The following ZNF276 variants were observed in gnomAD, a reference collection of about 807,000 sequenced individuals.
The protein encoded by ZNF276 is centromere protein Z.
ZNF276 carries 59 observed loss-of-function variants against 63.9 expected under a neutral mutation model. The ratio of observed to expected loss-of-function variants is 0.92; its 90% CI spans 0.75 to 1.15. The LOEUF is 1.15. ZNF276 is among the 50% of genes most tolerant of loss of function. The pLI is 0.00. For missense variants in ZNF276, 1,084 were observed against 843.8 expected (o/e 1.28, Z -3.53); for synonymous variants, 496 against 348.4 (o/e 1.42, Z -4.72).
At position 89,739,015 on chromosome 16, in the gene ZNF276, C is replaced by G. The variant is rs781273405; in HGVS notation, c.*769C>G. The stretch of plus-strand genomic sequence containing the variant: ...GCAAACTCACAGGTTAGAAGACATA[C>G]AGAAACAGGGCTGGTGTGTCCCCCA... On this transcript the variant is annotated 3_prime_UTR_variant, in exon 11 of 11. Transcript: ENST00000443381. 1.9e-6 allele frequency: 3 copies of G among 1,614,134 alleles called. No individual in the cohort carries two copies. The highest frequency in any genetic ancestry group is 1.7e-6 in the Non-Finnish European group (2 of 1,180,038).
rs1005953047 is a variant in ZNF276, at chr16:89,738,500, G to A, written c.*254G>A. On this transcript the variant is annotated 3_prime_UTR_variant, in exon 11 of 11. Transcript: ENST00000443381. Reference sequence around the variant, plus strand: ...TTCCTTTCCCCACTAAAGCAGTCGAGGAGATTTGTAATCCACTTTTTAGTG... The same window carrying A: ...TTCCTTTCCCCACTAAAGCAGTCGAAGAGATTTGTAATCCACTTTTTAGTG... 2.8e-5 allele frequency: 44 copies of A among 1,560,082 alleles called. No individual in the cohort carries two copies. In the South Asian group the frequency reaches 4.6e-4, roughly 16 times the overall value.
intron 5 of ZNF276, among the ~76,000 whole-genome samples, chr16:89,727,909 C>T (rs1218945017): frequency 6.6e-6 from 1 of 152,200 alleles, no homozygotes; most frequent in Non-Finnish European, 1.5e-5. Context: ...CAGAAGGGAC[C>T]TCATCAGTGT....
At chr16:89,734,725 A>G (rs4785717) in intron 9 of ZNF276, among the ~76,000 whole-genome samples, 101,032 of 151,630 alleles carry the variant, frequency 0.67, 34,796 homozygotes, top group East Asian at 0.99. Flanking sequence ...GCCTTTTCAC[A>G]TGTGTGTAGG....
At chr16:89,721,502 C>CCGCCTCGCT (rs1337744282), upstream of ZNF276, 1,781 of 878,412 alleles carry the variant, frequency 2.0e-3, 2 homozygotes, top group Middle Eastern at 5.7e-3. Context: ...CCCGCCCCGC[C>CCGCCTCGCT]CGCCTCGCTT....
rs148620352 is a variant in ZNF276 at position 89,726,712 on chromosome 16, C to G, written c.1007-567C>G. Among the ~76,000 whole-genome samples, 794 of 151,870 alleles carry G rather than the reference C, an allele frequency of 5.2e-3. 12 individuals carry two copies. The highest frequency in any genetic ancestry group is 0.018 in the African/African-American group (750 of 41,388). ...CCCAGGCTGGAGTGCAGTGCGCGAT[C>G]TCGGCTCACTGCAATGTCTGCCTCC... On this transcript the variant is annotated intron_variant, in intron 4 of 10. Transcript: ENST00000443381.
intron 9 of ZNF276, among the ~76,000 whole-genome samples, 182 bp downstream of exon 9, chr16:89,734,220 G>A (rs544963913): frequency 3.3e-4 from 50 of 152,346 alleles, no homozygotes; most frequent in African/African-American, 1.2e-3. Context: ...GTGTGAATCT[G>A]CCCTTCCCTG....
At chr16:89,729,695 C>T (rs1235828253) in intron 6 of ZNF276, among the ~76,000 whole-genome samples, 6 of 152,160 alleles carry the variant, frequency 3.9e-5, no homozygotes, top group African/African-American at 9.7e-5. Context: ...GCCCCCAACC[C>T]GTCGCTTCTG....
In ZNF276 at chr16:89,739,092, G is replaced by C. The variant is rs769505201; in HGVS notation, c.*846G>C. 24 of 1,613,732 alleles carry C rather than the reference G, an allele frequency of 1.5e-5. No homozygotes were observed. The highest frequency in any genetic ancestry group is 4.0e-5 in the African/African-American group (3 of 74,918). On this transcript the variant is annotated 3_prime_UTR_variant, in exon 11 of 11. Coordinates refer to ENST00000443381, the MANE Select transcript of ZNF276 (RefSeq NM_001113525.2). ...CTTTGGCAGAAGGAGCCTCCGGCTG[G>C]GGGGAGCTCCCCTGGAGGTGGGACT...
chr16:89,737,675 C>T, intron 9 of ZNF276, 131 bp from the exon 10 acceptor site: 2 of 1,524,818 alleles, frequency 1.3e-6, no homozygotes, highest in Non-Finnish European at 1.8e-6. Flanking sequence ...AGGCCCCTTG[C>T]TTGGGCCCAC....
chr16:89,734,813 A>G (rs1473584626), intron 9 of ZNF276, among the ~76,000 whole-genome samples: 1 of 152,162 alleles, frequency 6.6e-6, no homozygotes, highest in Non-Finnish European at 1.5e-5. Flanking sequence ...ATTTTTCACA[A>G]TTTCTATAAT....
At chr16:89,723,012 G>A (rs1327872642) in intron 2 of ZNF276, 125 bp from the exon 3 acceptor site, 4 of 1,595,398 alleles carry the variant, frequency 2.5e-6, no homozygotes, top group African/African-American at 2.7e-5. Flanking sequence ...GAGGAGCTGG[G>A]GTGAGGGAAG....
upstream of ZNF276, chr16:89,720,540 G>A (rs1217169735): frequency 4.3e-6 from 5 of 1,170,026 alleles, no homozygotes; most frequent in African/African-American, 1.6e-5. Flanking sequence ...GGCTCAGCGA[G>A]CGGAGTGGAA....
In ZNF276 at chr16:89,733,531, G is replaced by C. The variant is rs141797932; in HGVS notation, c.1330G>C (p.Val444Leu). Residue 444 changes from valine to leucine, a missense_variant, in exon 8 of 11, where the codon GTG (valine) becomes CTG (leucine). Val to Leu is a conservative substitution (Grantham distance 32). Transcript: ENST00000443381. The stretch of plus-strand genomic sequence containing the variant: ...GTGTCCTTACCAGGGCTGCACGGCC[G>C]TGTACCGAGGCGCTGACGGCATGAA... ...YKCPYQGCTA[V>L]YRGADGMKKH... is the part of the protein sequence containing the mutation. The C allele has an allele frequency of 6.2e-7, 1 of 1,614,142 alleles. No homozygotes were observed. The highest frequency in any genetic ancestry group is 1.3e-5 in the African/African-American group (1 of 75,070).
At position 89,723,307 on chromosome 16, in the gene ZNF276, TG is replaced by T; in HGVS notation, c.607del (p.Val203CysfsTer150). ...CCAGTGCCTGCACGGCTTGGTGGGG[TG>T]GGTGCATGGACATGCGGCCAGCTGC... ...SPQCLHGLVG[W>X]VHGHAASCGA... is the part of the protein sequence containing the mutation. On this transcript the variant is annotated frameshift_variant, in exon 4 of 11. Transcript: ENST00000443381. LOFTEE classifies it high-confidence loss of function. The T allele has an allele frequency of 6.2e-7, 1 of 1,612,862 alleles. No individual in the cohort carries two copies. The highest frequency in any genetic ancestry group is 8.5e-7 in the Non-Finnish European group (1 of 1,179,968).
At chr16:89,729,544 C>T (rs1698734706) in intron 6 of ZNF276, among the ~76,000 whole-genome samples, 1 of 152,162 alleles carries the variant, frequency 6.6e-6, no homozygotes, top group African/African-American at 2.4e-5. Context: ...GACCTGGTCT[C>T]GGCACTGTGA....
At position 89,721,702 on chromosome 16, in the gene ZNF276, C is replaced by T. The variant is rs1346299114; in HGVS notation, c.62C>T (p.Ser21Leu). Reference protein sequence around the residue: ...SPGSSRQCGASDGGGGVSRTR... With the variant: ...SPGSSRQCGALDGGGGVSRTR... The stretch of plus-strand genomic sequence containing the variant: ...GGGTCGTCCCGACAGTGCGGGGCCT[C>T]GGACGGCGGCGGCGGCGTCAGCCGG... Residue 21 changes from serine (S) to leucine (L), a missense_variant, in exon 1 of 11, where the codon TCG becomes TTG. Transcript: ENST00000443381. The T allele has an allele frequency of 7.3e-7, 1 of 1,376,816 alleles. No homozygotes were observed. Among genetic ancestry groups the T allele is most frequent in the Non-Finnish European group, 9.4e-7 (1 of 1,066,224 alleles). The allele number at this position is 1,376,816 out of a possible 1,614,324, so 85.3% of individuals were successfully genotyped here. A position where few individuals can be genotyped will look rare whatever the true frequency, so the allele number is the denominator to read the frequency against.
In ZNF276 at chr16:89,740,692, C is replaced by T. The variant is rs2062110383; in HGVS notation, c.*2446C>T. The T allele has an allele frequency of 1.2e-6, 1 of 817,906 alleles. No individual in the cohort carries two copies. The highest frequency in any genetic ancestry group is 2.1e-6 in the Non-Finnish European group (1 of 484,804). 50.7% of individuals were successfully genotyped at this position (817,906 alleles called of 1,614,324 possible). ...GAGTTCTCACTCACACTTCCGCAAA[C>T]ACAAGGAGCTCCTGAGCTAGTCTGG... On this transcript the variant is annotated 3_prime_UTR_variant, in exon 11 of 11. Coordinates refer to ENST00000443381, the MANE Select transcript of ZNF276 (RefSeq NM_001113525.2).
chr16:89,728,986 C>A (rs533064135), intron 5 of ZNF276, among the ~76,000 whole-genome samples: 3 of 152,242 alleles, frequency 2.0e-5, no homozygotes, highest in Admixed American at 1.3e-4. Flanking sequence ...GTGGAAAGGG[C>A]TGTTTCCAAG....
intron 4 of ZNF276, among the ~76,000 whole-genome samples, chr16:89,726,079 A>C (rs1158449881): frequency 6.6e-6 from 1 of 152,136 alleles, no homozygotes; most frequent in Non-Finnish European, 1.5e-5. Context: ...GCAGTGGCAC[A>C]ATCTCGGCTC....
Sources: gnomAD v4.1 joint callset for allele counts (sites outside exome capture counted in the v4.1 genomes callset) on GRCh38, gnomAD v4.1.1 for gene constraint, MANE v1.5 for transcripts, NCBI Gene and HGNC (gene_info 2026-07-23, HGNC 2026-07-21) for gene names.